Variants in GPC6 observed in about 807,000 individuals in gnomAD.
The protein encoded by GPC6 is glypican-6.
Under a neutral mutation model 55.2 loss-of-function variants are expected in GPC6, and 14 were observed. That is an observed-to-expected ratio of 0.25 (90% confidence interval 0.17 to 0.40). The LOEUF is 0.40. Ranked by LOEUF, GPC6 falls within the 10% of genes least tolerant of loss-of-function variation. The pLI is 1.00. For missense variants in GPC6, 641 were observed against 708.5 expected (o/e 0.90, Z 1.08); for synonymous variants, 278 against 259.6 (o/e 1.07, Z -0.68).
At chr13:93,400,453 G>A (rs1876029244) in intron 1 of GPC6, among the ~76,000 whole-genome samples, 2 of 147,386 alleles carry the variant, frequency 1.4e-5, no homozygotes, top group East Asian at 2.0e-4. Context: ...ACGTTAGGAA[G>A]GGTAGTGGCG....
intron 4 of GPC6, among the ~76,000 whole-genome samples, chr13:94,199,780 G>A (rs149714783): frequency 2.0e-4 from 30 of 152,260 alleles, no homozygotes; most frequent in African/African-American, 6.5e-4. Context: ...CTCAATTAAT[G>A]TTCCCTTCCT....
At chr13:93,412,699 T>C (rs1876553525) in intron 1 of GPC6, among the ~76,000 whole-genome samples, 1 of 152,168 alleles carries the variant, frequency 6.6e-6, no homozygotes, top group African/African-American at 2.4e-5. Context: ...AATTGTTTTA[T>C]TTCTGGATCA....
intron 2 of GPC6, among the ~76,000 whole-genome samples, chr13:93,720,515 C>T (rs1435322230): frequency 6.6e-6 from 1 of 151,736 alleles, no homozygotes; most frequent in East Asian, 1.9e-4. Flanking sequence ...TTTCAAGAAA[C>T]AGCTCCTGGA....
At chr13:93,917,816 C>T (rs576289215) in intron 3 of GPC6, among the ~76,000 whole-genome samples, 6 of 152,204 alleles carry the variant, frequency 3.9e-5, no homozygotes, top group South Asian at 2.1e-4. Flanking sequence ...CAAAAATATT[C>T]GGCCAGCTGC....
chr13:94,247,176 A>C (rs1027512909), intron 4 of GPC6, among the ~76,000 whole-genome samples: 26 of 152,124 alleles, frequency 1.7e-4, no homozygotes, highest in African/African-American at 6.0e-4. Context: ...TTAAAATGTC[A>C]TAGATTTTCA....
chr13:93,966,235 A>G (rs1880035794), intron 3 of GPC6, among the ~76,000 whole-genome samples: 1 of 152,230 alleles, frequency 6.6e-6, no homozygotes, highest in Non-Finnish European at 1.5e-5. Flanking sequence ...AATCAACTTG[A>G]CATAATAGGA....
At chr13:94,101,785 C>CA (rs931176075) in intron 4 of GPC6, among the ~76,000 whole-genome samples, 98 of 137,712 alleles carry the variant, frequency 7.1e-4, no homozygotes, top group South Asian at 6.9e-4. Flanking sequence ...ATTTGGGAAC[C>CA]AAAAAAAAAA....
At chr13:94,171,875 A>G (rs551781141) in intron 4 of GPC6, among the ~76,000 whole-genome samples, 1 of 152,298 alleles carries the variant, frequency 6.6e-6, no homozygotes, top group Non-Finnish European at 1.5e-5. Flanking sequence ...TGCAAAAACC[A>G]TGAAACTACA....
At chr13:93,268,209 C>T (rs1877390736) in intron 1 of GPC6, among the ~76,000 whole-genome samples, 1 of 152,112 alleles carries the variant, frequency 6.6e-6, no homozygotes, top group South Asian at 2.1e-4. Flanking sequence ...GTTGAACATA[C>T]ACTGAGACAC....
chr13:93,946,080 A>G (rs1878995242), intron 3 of GPC6, among the ~76,000 whole-genome samples: 1 of 152,170 alleles, frequency 6.6e-6, no homozygotes, highest in Non-Finnish European at 1.5e-5. Flanking sequence ...GAAGTCTTGT[A>G]GCATTTGCCG....
chr13:93,359,336 C>A (rs1220752428), intron 1 of GPC6, among the ~76,000 whole-genome samples: 1 of 152,072 alleles, frequency 6.6e-6, no homozygotes, highest in Non-Finnish European at 1.5e-5. Context: ...CATTGCATTA[C>A]CTTTATTCTA....
intron 1 of GPC6, among the ~76,000 whole-genome samples, chr13:93,250,183 C>T (rs1303460060): frequency 1.3e-5 from 2 of 152,180 alleles, no homozygotes; most frequent in South Asian, 2.1e-4. Flanking sequence ...CACGAATGAA[C>T]ACTTCTAAAG....
chr13:93,916,822 G>A (rs1332982105), intron 3 of GPC6, among the ~76,000 whole-genome samples: 4 of 150,646 alleles, frequency 2.7e-5, no homozygotes, highest in Non-Finnish European at 5.9e-5. Flanking sequence ...GGAGGGGTGG[G>A]TTTATTTTAT....
At chr13:93,891,828 A>G (rs1209913948) in intron 3 of GPC6, among the ~76,000 whole-genome samples, 2 of 151,748 alleles carry the variant, frequency 1.3e-5, no homozygotes, top group Non-Finnish European at 2.9e-5. Flanking sequence ...TCATACACAT[A>G]CTATATGTGT....
intron 4 of GPC6, among the ~76,000 whole-genome samples, chr13:94,124,312 C>T (rs1886733592): frequency 6.6e-6 from 1 of 152,054 alleles, no homozygotes; most frequent in South Asian, 2.1e-4. Context: ...GCATCTTGGT[C>T]ATTGGGCTCA....
At chr13:93,792,848 T>C (rs150273423) in intron 2 of GPC6, among the ~76,000 whole-genome samples, 210 of 152,292 alleles carry the variant, frequency 1.4e-3, no homozygotes, top group African/African-American at 4.9e-3. Context: ...GGCTGAACTA[T>C]TGGGGAATGA....
At chr13:93,839,069 C>G (rs1417453488) in intron 3 of GPC6, among the ~76,000 whole-genome samples, 2 of 152,094 alleles carry the variant, frequency 1.3e-5, no homozygotes, top group Non-Finnish European at 2.9e-5. Flanking sequence ...AAGAAATAGA[C>G]TAATCAATAG....
At chr13:94,084,198 T>C (rs1036192984) in intron 4 of GPC6, among the ~76,000 whole-genome samples, 3 of 152,220 alleles carry the variant, frequency 2.0e-5, no homozygotes, top group African/African-American at 7.2e-5. Flanking sequence ...TTTTATTTAC[T>C]GCACATAAAT....
At chr13:93,930,644 G>C (rs1878120025) in intron 3 of GPC6, among the ~76,000 whole-genome samples, 1 of 152,048 alleles carries the variant, frequency 6.6e-6, no homozygotes, top group Non-Finnish European at 1.5e-5. Context: ...CTCTAGCAGG[G>C]CATGGAGAAT....
Sources: gnomAD v4.1 joint callset for allele counts (sites outside exome capture counted in the v4.1 genomes callset) on GRCh38, gnomAD v4.1.1 for gene constraint, MANE v1.5 for transcripts, NCBI Gene and HGNC (gene_info 2026-07-23, HGNC 2026-07-21) for gene names.